The following TCF25 variants were observed in gnomAD, a reference collection of about 807,000 sequenced individuals.
TCF25 encodes the protein TCF25 ribosome quality control complex subunit, also known as ribosome quality control complex subunit TCF25.
Under a neutral mutation model 83.1 loss-of-function variants are expected in TCF25, and 41 were observed. The observed-to-expected ratio is 0.49, with a 90% CI of 0.38 to 0.64. The LOEUF is 0.64. TCF25 is among the 30% of genes least tolerant of loss of function. The probability of loss-of-function intolerance (pLI) is 0.00; values close to 1 mark genes in which losing one functional copy is unlikely to be tolerated. For missense variants in TCF25, 979 were observed against 914.5 expected, an observed-to-expected ratio of 1.07 and a Z score of -0.91; for synonymous variants, 458 against 365.0, an observed-to-expected ratio of 1.25 and a Z score of -2.90.
intron 14 of TCF25, 23 bp downstream of exon 14, chr16:89,905,119 C>T: frequency 1.9e-6 from 3 of 1,544,666 alleles, no homozygotes; most frequent in African/African-American, 1.4e-5. Context: ...TTGACACAAG[C>T]CCTGCCACGC....
rs761384071 is a variant in TCF25, at chr16:89,911,178, C to T, written c.1971C>T (p.His657=). 6.2e-7 allele frequency: 1 copy of T among 1,612,424 alleles called. No homozygotes were observed. Among genetic ancestry groups the T allele is most frequent in the South Asian group, 1.1e-5 (1 of 91,064 alleles). The change falls in exon 18 of 18, where the codon CAC becomes CAT. Residue 657 remains histidine (H), a synonymous_variant. Transcript: ENST00000263346. ...LAVRDMMANF[H]LNDLEAPHED... ...TGCGCGACATGATGGCCAACTTCCA[C>T]CTCAACGACCTGGAGGCGCCGCACG... is the stretch of plus-strand genomic sequence containing the variant.
Position 89,911,293 on chromosome 16 carries a change from G to T in TCF25, c.*55G>T. ...TGATGATGTTCCCGATTTCTCTGTT[G>T]GTCGGAGTCGGCCAGTTGCCTGAAG... is the stretch of plus-strand genomic sequence containing the variant. On this transcript the variant is annotated 3_prime_UTR_variant, in exon 18 of 18. Transcript: ENST00000263346. The T allele has an allele frequency of 6.3e-7, 1 of 1,597,124 alleles. No homozygotes were observed. Among genetic ancestry groups the T allele is most frequent in the South Asian group, 1.1e-5 (1 of 90,398 alleles).
At chr16:89,904,472 A>T (rs531459710) in intron 13 of TCF25, 5 of 543,010 alleles carry the variant, frequency 9.2e-6, no homozygotes, top group African/African-American at 7.6e-5. Flanking sequence ...ACATGCCTGT[A>T]ATCTCAGCTT....
At position 89,873,795 on chromosome 16, in the gene TCF25, T is replaced by C; in HGVS notation, c.128T>C (p.Leu43Pro). The part of the protein sequence containing the change: ...DAEEEGPKRE[L>P]GVRRPGGAGK... ...GAAGAAGAAGGGCCCAAGCGGGAGC[T>C]TGGTGTCCGGCGTCCCGGGGGCGCA... is the stretch of plus-strand genomic sequence containing the variant. Residue 43 changes from leucine (L) to proline (P), a missense_variant, in exon 1 of 18, where the codon CTT (leucine) becomes CCT (proline). By Grantham distance (98) the Leu-to-Pro change is moderately conservative. Transcript: ENST00000263346. 2 of 1,604,984 alleles carry C rather than the reference T, an allele frequency of 1.2e-6. No homozygotes were observed. The highest frequency in any genetic ancestry group is 1.3e-5 in the African/African-American group (1 of 74,382).
At chr16:89,899,152 C>A (rs1271306620) in intron 11 of TCF25, among the ~76,000 whole-genome samples, 1 of 152,120 alleles carries the variant, frequency 6.6e-6, no homozygotes, top group East Asian at 1.9e-4. Flanking sequence ...CCTGCAAGGA[C>A]TGTGATGCTG....
intron 1 of TCF25, among the ~76,000 whole-genome samples, chr16:89,881,170 G>A (rs1177569904): frequency 6.6e-6 from 1 of 152,192 alleles, no homozygotes; most frequent in Non-Finnish European, 1.5e-5. Context: ...AAAGCCGACT[G>A]ACCGGCAAGC....
intron 1 of TCF25, chr16:89,878,682 C>G: frequency 9.5e-7 from 1 of 1,054,614 alleles, no homozygotes; most frequent in South Asian, 2.6e-5. Context: ...GCGCTGTCGC[C>G]CAGGCTGGAG....
intron 3 of TCF25, among the ~76,000 whole-genome samples, chr16:89,884,878 C>T (rs1251478366): frequency 3.5e-5 from 3 of 85,804 alleles, no homozygotes; most frequent in African/African-American, 2.0e-4. Context: ...CTCTGCCTGA[C>T]GCCCCTCTCC....
rs993310807 is a variant in TCF25, at chr16:89,873,616, G to C, written c.-52G>C. The C allele has an allele frequency of 1.7e-5, 25 of 1,451,414 alleles. No homozygotes were observed. Among genetic ancestry groups the C allele is most frequent in the Non-Finnish European group, 2.0e-5 (22 of 1,105,056 alleles). 89.9% of individuals were successfully genotyped at this position (1,451,414 alleles called of 1,614,324 possible). ...AGTGCGCAGGCGCGCCGACAGCCGA[G>C]TTTTCTGCGCTTCCTTCTCCCTCTC... On this transcript the variant is annotated 5_prime_UTR_variant, in exon 1 of 18. Coordinates refer to ENST00000263346, the MANE Select transcript of TCF25 (RefSeq NM_014972.3).
rs554000291 is a variant in TCF25, at chr16:89,881,556, G to T, written c.193-1795G>T. Among the ~76,000 whole-genome samples the T allele has an allele frequency of 3.3e-5, 5 of 151,556 alleles. 1 individual carries two copies. Among genetic ancestry groups the T allele is most frequent in the African/African-American group, 1.2e-4 (5 of 41,154 alleles). The stretch of plus-strand genomic sequence containing the variant: ...CAGATTCCAGGACTGCTGGGCTCAC[G>T]CAGTCCTCCTCAGCCGCCTGAGTAG... On this transcript the variant is annotated intron_variant, in intron 1 of 17. Transcript: ENST00000263346.
At chr16:89,896,578 G>T (rs2043869662) in intron 9 of TCF25, among the ~76,000 whole-genome samples, 1 of 146,660 alleles carries the variant, frequency 6.8e-6, no homozygotes. Context: ...TTTTGAGACG[G>T]AGTCTCACTC....
intron 3 of TCF25, among the ~76,000 whole-genome samples, chr16:89,885,022 GCCCTCTCCCTCTGCCTGACGC>G (rs2042891458): frequency 1.8e-5 from 2 of 108,244 alleles, no homozygotes; most frequent in Admixed American, 1.0e-4. Flanking sequence ...TCTGCCTGAC[GCCCTCTCCCTCTGCCTGACGC>G]CCCTCTCCCT....
chr16:89,910,566 C>T (rs1597403919), intron 16 of TCF25, 25 bp from the exon 17 acceptor site: 2 of 1,607,860 alleles, frequency 1.2e-6, no homozygotes, highest in Non-Finnish European at 1.7e-6. Context: ...AGTGTCGTTT[C>T]TGACTTTTCT....
rs761424516 is a variant in TCF25, at chr16:89,900,658, C to T, written c.1245C>T (p.Leu415=). ...AGGCTCATCGGAACCTGTCCCAGCT[C>T]CCTAATTTTGCCTTCTCTGTTCCAC... ...EWEAHRNLSQ[L]PNFAFSVPLA... The change falls in exon 12 of 18, where the codon CTC becomes CTT. Residue 415 remains leucine, a synonymous_variant. Coordinates refer to ENST00000263346, the MANE Select transcript of TCF25 (RefSeq NM_014972.3). The T allele has an allele frequency of 6.3e-7, 1 of 1,596,718 alleles. No individual in the cohort carries two copies. Among genetic ancestry groups the T allele is most frequent in the South Asian group, 1.1e-5 (1 of 90,624 alleles).
intron 1 of TCF25, among the ~76,000 whole-genome samples, chr16:89,879,831 G>A (rs1222603499): frequency 8.5e-6 from 1 of 117,952 alleles, no homozygotes; most frequent in Non-Finnish European, 1.7e-5. Context: ...CGTGTTGTCC[G>A]TGTGCACAGA....
At position 89,900,686 on chromosome 16, in the gene TCF25, G is replaced by C; in HGVS notation, c.1273G>C (p.Ala425Pro). 6.2e-7 allele frequency: 1 copy of C among 1,605,418 alleles called. No homozygotes were observed. Among genetic ancestry groups the C allele is most frequent in the Non-Finnish European group, 8.5e-7 (1 of 1,172,712 alleles). The change falls in exon 12 of 18, where the codon GCG (alanine) becomes CCG (proline). Residue 425 changes from alanine to proline, a missense_variant. Physicochemically the swap from Ala to Pro is conservative, Grantham distance 27. Coordinates refer to ENST00000263346, the MANE Select transcript of TCF25 (RefSeq NM_014972.3). ...TAATTTTGCCTTCTCTGTTCCACTGGCGTATTTCCTGCTGAGCCAGCAGAC... is the reference window on the plus strand; with the variant it reads ...TAATTTTGCCTTCTCTGTTCCACTGCCGTATTTCCTGCTGAGCCAGCAGAC... ...LPNFAFSVPL[A>P]YFLLSQQTDL...
At position 89,896,000 on chromosome 16, in the gene TCF25, G is replaced by A. The variant is rs2043821299; in HGVS notation, c.939G>A (p.Leu313=). 6.2e-7 allele frequency: 1 copy of A among 1,613,786 alleles called. No individual in the cohort carries two copies. The highest frequency in any genetic ancestry group is 8.5e-7 in the Non-Finnish European group (1 of 1,179,982). The change falls in exon 9 of 18, where the codon CTG becomes CTA. Residue 313 remains leucine, a synonymous_variant. Coordinates refer to ENST00000263346, the MANE Select transcript of TCF25 (RefSeq NM_014972.3). ...TCCCTGTGCCCACAGAGAGAGCGCTGTACAGCATGGAATGTGCGTTCCACC... is the reference window on the plus strand; with the variant it reads ...TCCCTGTGCCCACAGAGAGAGCGCTATACAGCATGGAATGTGCGTTCCACC... ...EMARDLVERA[L]YSMECAFHPL... is the part of the protein sequence containing the mutation.
Position 89,898,908 on chromosome 16 carries a change from G to A in TCF25, c.1221+36G>A, listed in dbSNP as rs375071196. On this transcript the variant is annotated intron_variant, in intron 11 of 17. Transcript: ENST00000263346. ...GCCTGGTGAGGCCCCGTGGAGGGACGGACACCTGCTTCTCCTTCTGTTTTC... is the reference window on the plus strand; with the variant it reads ...GCCTGGTGAGGCCCCGTGGAGGGACAGACACCTGCTTCTCCTTCTGTTTTC... 1.6e-5 allele frequency: 26 copies of A among 1,582,990 alleles called. 1 individual carries two copies. The Admixed American group carries it at 2.0e-4, about 12-fold the overall frequency.
chr16:89,879,981 CTA>C lies in TCF25; in HGVS notation c.193-3368_193-3367del, dbSNP rs1404469659. On this transcript the variant is annotated intron_variant, in intron 1 of 17. Coordinates refer to ENST00000263346, the MANE Select transcript of TCF25 (RefSeq NM_014972.3). Reference sequence around the variant, plus strand: ...TTTGTAAACAGTCAGGATCCCAGGACTATCACGCGTGCTGTCCATGTACACAG... The same window carrying C: ...TTTGTAAACAGTCAGGATCCCAGGACTCACGCGTGCTGTCCATGTACACAG... Among the ~76,000 whole-genome samples, 8 of 151,510 alleles carry C rather than the reference CTA, an allele frequency of 5.3e-5. No individual in the cohort carries two copies. In the East Asian group the frequency reaches 1.6e-3, roughly 30 times the overall value.
Sources: allele counts gnomAD v4.1 joint callset (sites outside exome capture counted in the v4.1 genomes callset), GRCh38; gene constraint gnomAD v4.1.1; transcripts MANE v1.5; gene names NCBI Gene and HGNC (gene_info 2026-07-23, HGNC 2026-07-21).